SLCO2B1: variants seen among roughly 807,000 people sequenced by gnomAD.
SLCO2B1 encodes solute carrier organic anion transporter family member 2B1.
Under a neutral mutation model 67.3 loss-of-function variants are expected in SLCO2B1, and 41 were observed. That is an observed-to-expected ratio of 0.61 (90% CI 0.47 to 0.79). SLCO2B1 has a LOEUF of 0.79. Among genes scored for constraint, SLCO2B1 ranks in the 30% least tolerant of loss-of-function variants. The pLI, the probability that SLCO2B1 is intolerant of heterozygous loss-of-function variation, is 0.00. For synonymous variants in SLCO2B1, 379 were observed against 381.4 expected, an observed-to-expected ratio of 0.99 and a Z score of 0.07; for missense variants, 837 against 920.1, an observed-to-expected ratio of 0.91 and a Z score of 1.17.
At chr11:75,179,752 T>G (rs1454532194) in intron 7 of SLCO2B1, among the ~76,000 whole-genome samples, 3 of 152,132 alleles carry the variant, frequency 2.0e-5, no homozygotes, top group East Asian at 1.9e-4. Flanking sequence ...GTTTTGTTTT[T>G]TTGAAACAGA....
chr11:75,169,505 C>T (rs530165567), intron 5 of SLCO2B1, 99 bp downstream of exon 5: 9 of 1,267,828 alleles, frequency 7.1e-6, no homozygotes, highest in Admixed American at 4.6e-5. Context: ...AATCCCTGCC[C>T]CCTGCCCCAT....
chr11:75,156,260 TACA>T (rs1949744884), intron 1 of SLCO2B1, among the ~76,000 whole-genome samples: 1 of 151,858 alleles, frequency 6.6e-6, no homozygotes, highest in Non-Finnish European at 1.5e-5. Flanking sequence ...ACTGGGGGAG[TACA>T]AGACAACCTC....
intron 7 of SLCO2B1, among the ~76,000 whole-genome samples, chr11:75,178,109 A>C (rs1052638060): frequency 2.6e-5 from 4 of 151,588 alleles, no homozygotes; most frequent in Admixed American, 6.6e-5. Flanking sequence ...AAAAAAAAAA[A>C]CAAAAAACAA....
chr11:75,154,985 T>C (rs1010770648), intron 1 of SLCO2B1, among the ~76,000 whole-genome samples: 1 of 152,142 alleles, frequency 6.6e-6, no homozygotes, highest in African/African-American at 2.4e-5. Context: ...AGAGAGACTC[T>C]CCCTCCAGGC....
chr11:75,189,417 T>C (rs928951358), intron 8 of SLCO2B1, among the ~76,000 whole-genome samples: 7 of 152,204 alleles, frequency 4.6e-5, no homozygotes, highest in African/African-American at 1.7e-4. Context: ...GAGAATCAAA[T>C]GAGACGAAAC....
At chr11:75,191,302 A>G (rs113669276) in intron 8 of SLCO2B1, among the ~76,000 whole-genome samples, 169 of 152,286 alleles carry the variant, frequency 1.1e-3, no homozygotes, top group African/African-American at 3.9e-3. Context: ...GGACCATGCC[A>G]GATTGAAATT....
chr11:75,165,681 C>T, intron 3 of SLCO2B1, 106 bp from the exon 4 acceptor site: 1 of 1,253,056 alleles, frequency 8.0e-7, no homozygotes, highest in Non-Finnish European at 1.1e-6. Context: ...TTATTCAGTC[C>T]ATTATTCAGA....
At chr11:75,196,265 A>G (rs1391410691) in intron 9 of SLCO2B1, 1 of 505,990 alleles carries the variant, frequency 2.0e-6, no homozygotes, top group Non-Finnish European at 3.5e-6. Context: ...TAGAAGGGTC[A>G]CTGAGGTGCA....
At position 75,205,662 on chromosome 11, in the gene SLCO2B1, G is replaced by A. The variant is rs1188926760; in HGVS notation, c.*1082G>A. The A allele has an allele frequency of 6.6e-6, 1 of 152,308 alleles. No individual in the cohort carries two copies. Among genetic ancestry groups the A allele is most frequent in the Non-Finnish European group, 1.5e-5 (1 of 68,104 alleles). The allele number at this position is 152,308 out of a possible 1,614,324, so 9.4% of individuals were successfully genotyped here. On this transcript the variant is annotated 3_prime_UTR_variant, in exon 14 of 14. Transcript: ENST00000289575. ...ATGCCTGGGCTGGTGTCAGGCCCAG[G>A]ACTGTAGTGCTGGGAGCAGTAAAGC...
At chr11:75,160,497 C>G (rs927499293) in intron 1 of SLCO2B1, among the ~76,000 whole-genome samples, 1 of 152,232 alleles carries the variant, frequency 6.6e-6, no homozygotes, top group Non-Finnish European at 1.5e-5. Flanking sequence ...AGGAAACCCA[C>G]TGCGGCTGGT....
At chr11:75,164,927 C>G (rs1949869165) in intron 3 of SLCO2B1, among the ~76,000 whole-genome samples, 1 of 152,126 alleles carries the variant, frequency 6.6e-6, no homozygotes, top group South Asian at 2.1e-4. Context: ...GTGTGGCTGT[C>G]CTTTCCAGGG....
At chr11:75,170,855 G>A (rs1417074708) in intron 6 of SLCO2B1, among the ~76,000 whole-genome samples, 1 of 152,158 alleles carries the variant, frequency 6.6e-6, no homozygotes, top group South Asian at 2.1e-4. Flanking sequence ...CCATGCAAGG[G>A]GGTGTGTTTT....
chr11:75,178,058 C>A (rs545498154), intron 7 of SLCO2B1, among the ~76,000 whole-genome samples: 1 of 148,192 alleles, frequency 6.7e-6, no homozygotes, highest in Non-Finnish European at 1.5e-5. Flanking sequence ...TACATCACTG[C>A]ACTCCAGCCT....
chr11:75,152,466 G>T (rs948488844), intron 1 of SLCO2B1: 1 of 152,418 alleles, frequency 6.6e-6, no homozygotes, highest in Admixed American at 6.5e-5. Flanking sequence ...GGCAGGAAGG[G>T]TGGGATGGAT....
chr11:75,202,827 C>G, intron 11 of SLCO2B1, 74 bp from the exon 12 acceptor site: 1 of 1,305,988 alleles, frequency 7.7e-7, no homozygotes, highest in South Asian at 1.2e-5. Context: ...AATAAGAACC[C>G]TTCAACGTTG....
chr11:75,183,288 C>T (rs1051467263), intron 7 of SLCO2B1, among the ~76,000 whole-genome samples: 2 of 152,158 alleles, frequency 1.3e-5, no homozygotes, highest in Non-Finnish European at 2.9e-5. Flanking sequence ...TTTATGCCTA[C>T]AGCACATCTC....
chr11:75,163,990 C>A lies in SLCO2B1; in HGVS notation c.175C>A (p.Gln59Lys). The change falls in exon 3 of 14, where the codon CAG becomes AAG. Residue 59 changes from glutamine (Q) to lysine (K), a missense_variant. Physicochemically the swap from Gln to Lys is moderately conservative, Grantham distance 53. Transcript: ENST00000289575. ...KLFVLCHSLL[Q>K]LAQLMISGYL... ...GTTCGTTCTGTGCCACAGCCTGCTG[C>A]AGCTGGCGCAGCTCATGATCTCCGG... The A allele has an allele frequency of 6.2e-7, 1 of 1,603,564 alleles. No homozygotes were observed. Among genetic ancestry groups the A allele is most frequent in the Non-Finnish European group, 8.5e-7 (1 of 1,175,210 alleles).
At chr11:75,176,336 A>G (rs1365041360) in intron 7 of SLCO2B1, among the ~76,000 whole-genome samples, 2 of 152,202 alleles carry the variant, frequency 1.3e-5, no homozygotes, top group Non-Finnish European at 2.9e-5. Flanking sequence ...ACTTCCTGGC[A>G]GGCAAGCCTG....
chr11:75,174,500 C>T (rs1256270350), intron 7 of SLCO2B1, among the ~76,000 whole-genome samples: 1 of 152,152 alleles, frequency 6.6e-6, no homozygotes, highest in Non-Finnish European at 1.5e-5. Flanking sequence ...CTGCACATAG[C>T]TGCCCTGCTA....
Sources: gnomAD v4.1 joint callset for allele counts (sites outside exome capture counted in the v4.1 genomes callset) on GRCh38, gnomAD v4.1.1 for gene constraint, MANE v1.5 for transcripts, NCBI Gene and HGNC (gene_info 2026-07-23, HGNC 2026-07-21) for gene names.